RIMS1: variants seen among roughly 807,000 people sequenced by gnomAD.
The protein encoded by RIMS1 is regulating synaptic membrane exocytosis protein 1.
RIMS1 carries 83 observed loss-of-function variants against 214.1 expected under a neutral mutation model. The ratio of observed to expected loss-of-function variants is 0.39; its 90% CI spans 0.32 to 0.47. The LOEUF (loss-of-function observed/expected upper bound fraction) is 0.47, where lower values mean the gene tolerates loss of function less well. Among genes scored for constraint, RIMS1 ranks in the 20% least tolerant of loss-of-function variants. RIMS1 has a pLI of 0.99. For synonymous variants in RIMS1, 793 were observed against 786.8 expected (o/e 1.01, Z -0.13); for missense variants, 2,050 against 2,161.8 (o/e 0.95, Z 1.03).
chr6:72,364,714 G>C (rs562100459), intron 29 of RIMS1, among the ~76,000 whole-genome samples: 2 of 152,182 alleles, frequency 1.3e-5, no homozygotes, highest in African/African-American at 4.8e-5. Context: ...GGGGAAATGA[G>C]ACAGGGAAAG....
chr6:71,968,941 T>C, intron 1 of RIMS1, 42 bp from the exon 2 acceptor site: 1 of 1,551,818 alleles, frequency 6.4e-7, no homozygotes, highest in African/African-American at 1.4e-5. Context: ...TCTACCCTTT[T>C]TATAATTAAT....
intron 1 of RIMS1, among the ~76,000 whole-genome samples, chr6:71,901,451 G>T (rs1773575632): frequency 6.6e-6 from 1 of 152,046 alleles, no homozygotes; most frequent in Non-Finnish European, 1.5e-5. Flanking sequence ...ATAAAACATT[G>T]ATACATAAAC....
chr6:72,210,950 A>G (rs927734025), intron 6 of RIMS1, among the ~76,000 whole-genome samples: 3 of 152,228 alleles, frequency 2.0e-5, no homozygotes, highest in African/African-American at 7.2e-5. Context: ...ATGAAATATT[A>G]TGCAAGGCCG....
At chr6:71,928,511 T>C (rs1470236849) in intron 1 of RIMS1, among the ~76,000 whole-genome samples, 1 of 152,134 alleles carries the variant, frequency 6.6e-6, no homozygotes, top group Non-Finnish European at 1.5e-5. Context: ...TTAAAATCAG[T>C]ATTAATTACT....
intron 1 of RIMS1, among the ~76,000 whole-genome samples, chr6:71,962,261 A>G (rs1484410501): frequency 6.6e-6 from 1 of 152,176 alleles, no homozygotes. Context: ...TAATCTTTGT[A>G]GTGAATCTTT....
At chr6:72,274,079 G>GA (rs1297562007) in intron 22 of RIMS1, among the ~76,000 whole-genome samples, 2 of 152,032 alleles carry the variant, frequency 1.3e-5, no homozygotes, top group Non-Finnish European at 2.9e-5. Context: ...CATTTTGGAA[G>GA]AAAAAAACTA....
intron 4 of RIMS1, among the ~76,000 whole-genome samples, chr6:72,144,631 A>G (rs534227582): frequency 6.6e-6 from 1 of 152,086 alleles, no homozygotes; most frequent in Admixed American, 6.5e-5. Context: ...AAAAAAAAAA[A>G]GAAGCCTTCA....
Position 72,179,766 on chromosome 6 carries a change from C to T in RIMS1, c.663C>T (p.Pro221=). Residue 221 remains proline, a synonymous_variant, in exon 5 of 34, where the codon CCC becomes CCT. Coordinates refer to ENST00000521978, the MANE Select transcript of RIMS1 (RefSeq NM_014989.7). ...AAGAGCGATCGCGGTCTCAGACACC[C>T]CTAAGCACAGCAGCTGCCTCCTCCC... is the stretch of plus-strand genomic sequence containing the variant. The part of the protein sequence containing the change: ...RLQERSRSQT[P]LSTAAASSQD... 6.2e-7 allele frequency: 1 copy of T among 1,613,816 alleles called. No individual in the cohort carries two copies. The highest frequency in any genetic ancestry group is 8.5e-7 in the Non-Finnish European group (1 of 1,179,868).
intron 26 of RIMS1, among the ~76,000 whole-genome samples, chr6:72,298,533 A>C (rs1312958288): frequency 6.6e-6 from 1 of 151,992 alleles, no homozygotes; most frequent in Non-Finnish European, 1.5e-5. Flanking sequence ...ACTGCTTTGC[A>C]TGCATCACCA....
chr6:72,328,326 T>A (rs1593691755), intron 28 of RIMS1, among the ~76,000 whole-genome samples: 1 of 151,740 alleles, frequency 6.6e-6, no homozygotes, highest in East Asian at 2.0e-4. Context: ...GGGATAGCAT[T>A]AGGAGAAATA....
chr6:72,382,335 C>G lies in RIMS1; in HGVS notation c.4367-8263C>G, dbSNP rs116845469. Among the ~76,000 whole-genome samples, 676 of 152,200 alleles carry G rather than the reference C, an allele frequency of 4.4e-3. 2 individuals are homozygous for G. Among genetic ancestry groups the G allele is most frequent in the South Asian group, 7.3e-3 (35 of 4,822 alleles). ...ACATTTGTGTTTATTTGCTTAAATA[C>G]TAAAGAAAATGATGGCACTATTAGG... is the stretch of plus-strand genomic sequence containing the variant. On this transcript the variant is annotated intron_variant, in intron 29 of 33. Coordinates refer to ENST00000521978, the MANE Select transcript of RIMS1 (RefSeq NM_014989.7).
intron 2 of RIMS1, among the ~76,000 whole-genome samples, chr6:71,998,969 A>G (rs550163451): frequency 2.6e-4 from 40 of 151,986 alleles, no homozygotes; most frequent in African/African-American, 9.4e-4. Flanking sequence ...TTTCTCATTT[A>G]TTTTTATGTC....
At chr6:71,955,193 G>A (rs1790874353) in intron 1 of RIMS1, among the ~76,000 whole-genome samples, 1 of 151,614 alleles carries the variant, frequency 6.6e-6, no homozygotes, top group Non-Finnish European at 1.5e-5. Context: ...GTGAGACAGA[G>A]TCTCGCTCTG....
chr6:71,910,676 C>A (rs1582393370), intron 1 of RIMS1, among the ~76,000 whole-genome samples: 1 of 152,116 alleles, frequency 6.6e-6, no homozygotes, highest in Non-Finnish European at 1.5e-5. Flanking sequence ...TTGTGGAGAA[C>A]CTTTGCATAC....
chr6:72,301,769 A>G (rs1287828225), intron 26 of RIMS1, among the ~76,000 whole-genome samples: 1 of 151,642 alleles, frequency 6.6e-6, no homozygotes, highest in Non-Finnish European at 1.5e-5. Context: ...GCCATTTTAT[A>G]TAAGAAACTT....
intron 19 of RIMS1, chr6:72,261,881 A>C: frequency 4.1e-6 from 4 of 985,280 alleles, no homozygotes; most frequent in Non-Finnish European, 4.8e-6. Flanking sequence ...TGAGAAAAAA[A>C]TGTAAAATCA....
chr6:71,935,706 G>A (rs1169344736), intron 1 of RIMS1, among the ~76,000 whole-genome samples: 1 of 152,122 alleles, frequency 6.6e-6, no homozygotes. Context: ...GTACAAATAC[G>A]AGTTGTAACT....
chr6:72,382,736 G>T (rs549750674), intron 29 of RIMS1, among the ~76,000 whole-genome samples: 1 of 152,096 alleles, frequency 6.6e-6, no homozygotes, highest in African/African-American at 2.4e-5. Context: ...TAGTTAACTC[G>T]AGGGACCATA....
At chr6:72,123,411 A>G (rs2038842389) in intron 4 of RIMS1, among the ~76,000 whole-genome samples, 1 of 151,860 alleles carries the variant, frequency 6.6e-6, no homozygotes, top group East Asian at 1.9e-4. Flanking sequence ...CAGTTTTGGA[A>G]TAAGTGTGAT....
Sources: allele counts gnomAD v4.1 joint callset (sites outside exome capture counted in the v4.1 genomes callset), GRCh38; gene constraint gnomAD v4.1.1; transcripts MANE v1.5; gene names NCBI Gene and HGNC (gene_info 2026-07-23, HGNC 2026-07-21).